The following CDH12 variants were observed in gnomAD, a reference collection of about 807,000 sequenced individuals.
CDH12 encodes cadherin-12.
A neutral mutation model predicts 74.1 loss-of-function variants in CDH12; 41 were observed. The ratio of observed to expected loss-of-function variants is 0.55; its 90% CI spans 0.43 to 0.72. The LOEUF is 0.72. Ranked by LOEUF, CDH12 falls within the 30% of genes least tolerant of loss-of-function variation. CDH12 has a pLI of 0.00. For synonymous variants in CDH12, 399 were observed against 355.0 expected (o/e 1.12, Z -1.39); for missense variants, 945 against 977.2 (o/e 0.97, Z 0.44).
intron 1 of CDH12, among the ~76,000 whole-genome samples, chr5:22,576,080 C>T (rs1191580733): frequency 6.6e-6 from 1 of 152,150 alleles, no homozygotes; most frequent in African/African-American, 2.4e-5. Flanking sequence ...CCCCCAAGGG[C>T]CCCATCTCAC....
intron 1 of CDH12, among the ~76,000 whole-genome samples, chr5:22,689,869 TTATAA>T (rs1741991757): frequency 6.6e-6 from 1 of 152,036 alleles, no homozygotes; most frequent in African/African-American, 2.4e-5. Flanking sequence ...GTACAAATAA[TTATAA>T]TAAAATTTAT....
chr5:22,582,181 G>A (rs1740141397), intron 1 of CDH12, among the ~76,000 whole-genome samples: 2 of 152,126 alleles, frequency 1.3e-5, no homozygotes. Context: ...TTAGCTCAGT[G>A]TTGATGTTTT....
intron 4 of CDH12, among the ~76,000 whole-genome samples, chr5:22,168,590 A>T (rs1217609383): frequency 2.6e-5 from 4 of 152,044 alleles, no homozygotes; most frequent in Non-Finnish European, 5.9e-5. Flanking sequence ...TTCTCATTGT[A>T]TTAAAACTAA....
At chr5:21,846,792 C>T (rs1202917217) in intron 7 of CDH12, among the ~76,000 whole-genome samples, 1 of 152,010 alleles carries the variant, frequency 6.6e-6, no homozygotes. Flanking sequence ...AGCTAAATAC[C>T]TGGGGAGGCA....
chr5:22,377,503 C>T (rs1028062901), intron 3 of CDH12, among the ~76,000 whole-genome samples: 1 of 152,080 alleles, frequency 6.6e-6, no homozygotes, highest in African/African-American at 2.4e-5. Context: ...TGAGAGAGAG[C>T]AAGGCGACAA....
intron 8 of CDH12, among the ~76,000 whole-genome samples, chr5:21,824,192 C>T (rs1217153308): frequency 1.3e-5 from 2 of 152,128 alleles, no homozygotes; most frequent in African/African-American, 4.8e-5. Flanking sequence ...CAGCCTTTCT[C>T]TGTCCAAATT....
intron 5 of CDH12, among the ~76,000 whole-genome samples, chr5:22,067,478 A>C (rs546121899): frequency 1.3e-5 from 2 of 152,214 alleles, no homozygotes; most frequent in South Asian, 4.1e-4. Flanking sequence ...CCATTGACTG[A>C]GTGATGTGAA....
At chr5:22,380,714 T>C (rs1479679708) in intron 3 of CDH12, among the ~76,000 whole-genome samples, 1 of 152,158 alleles carries the variant, frequency 6.6e-6, no homozygotes, top group Non-Finnish European at 1.5e-5. Flanking sequence ...AGTCATCTCA[T>C]ACCATTTTAG....
chr5:22,054,736 C>T (rs185453212), intron 5 of CDH12, among the ~76,000 whole-genome samples: 1 of 152,086 alleles, frequency 6.6e-6, no homozygotes, highest in East Asian at 1.9e-4. Context: ...TGTACAGTCT[C>T]TGATTGAGGC....
chr5:21,806,983 TGAATTCTGCTA>T (rs1561201261), intron 9 of CDH12, among the ~76,000 whole-genome samples: 1 of 152,204 alleles, frequency 6.6e-6, no homozygotes, highest in African/African-American at 2.4e-5. Context: ...GATAGTGGCC[TGAATTCTGCTA>T]AAACATAGGT....
At chr5:21,845,017 A>AGATG (rs1188330204) in intron 7 of CDH12, among the ~76,000 whole-genome samples, 1 of 151,744 alleles carries the variant, frequency 6.6e-6, no homozygotes. Context: ...ATAGATAGAT[A>AGATG]GATAGATAGA....
At chr5:22,539,800 C>T (rs1215066286) in intron 1 of CDH12, among the ~76,000 whole-genome samples, 2 of 152,160 alleles carry the variant, frequency 1.3e-5, no homozygotes, top group East Asian at 3.9e-4. Flanking sequence ...TTGAGTACTG[C>T]ACCATTTAAT....
chr5:21,890,857 GAA>G (rs1216702394), intron 6 of CDH12, among the ~76,000 whole-genome samples: 5 of 151,986 alleles, frequency 3.3e-5, no homozygotes, highest in Admixed American at 2.6e-4. Context: ...GAATTACAAA[GAA>G]AGAGCAAAAA....
chr5:22,763,993 A>G (rs2127060228), intron 1 of CDH12, among the ~76,000 whole-genome samples: 1 of 152,094 alleles, frequency 6.6e-6, no homozygotes, highest in East Asian at 1.9e-4. Context: ...AAATTGTGGA[A>G]TACATTTTTA....
At chr5:22,665,930 T>C (rs1374356234) in intron 1 of CDH12, among the ~76,000 whole-genome samples, 3 of 152,154 alleles carry the variant, frequency 2.0e-5, no homozygotes, top group Non-Finnish European at 2.9e-5. Context: ...TTTTTTCTTA[T>C]GCAATCTCCT....
chr5:22,620,687 G>A (rs1265837632), intron 1 of CDH12, among the ~76,000 whole-genome samples: 2 of 152,072 alleles, frequency 1.3e-5, no homozygotes, highest in Non-Finnish European at 2.9e-5. Context: ...CAAATGCTAG[G>A]CTGCCTGTGT....
chr5:22,377,124 G>C (rs950344120), intron 3 of CDH12, among the ~76,000 whole-genome samples: 1 of 152,058 alleles, frequency 6.6e-6, no homozygotes, highest in African/African-American at 2.4e-5. Flanking sequence ...TGCCCCCAGA[G>C]TGAACACGTG....
intron 5 of CDH12, among the ~76,000 whole-genome samples, chr5:22,058,572 T>A (rs1391417715): frequency 1.3e-5 from 2 of 151,926 alleles, no homozygotes; most frequent in African/African-American, 4.8e-5. Flanking sequence ...GGTTTTTTTT[T>A]AATCTGTTAA....
chr5:22,044,107 C>CA (rs967920914), intron 5 of CDH12, among the ~76,000 whole-genome samples: 6 of 152,022 alleles, frequency 3.9e-5, no homozygotes, highest in Admixed American at 1.3e-4. Flanking sequence ...CATGGAACCA[C>CA]AAAAAATTCT....
Sources: allele counts gnomAD v4.1 joint callset (sites outside exome capture counted in the v4.1 genomes callset), GRCh38; gene constraint gnomAD v4.1.1; transcripts MANE v1.5; gene names NCBI Gene and HGNC (gene_info 2026-07-23, HGNC 2026-07-21).